PTPN22: variants seen among roughly 807,000 people sequenced by gnomAD.
PTPN22 encodes protein tyrosine phosphatase non-receptor type 22.
Under a neutral mutation model 103.3 loss-of-function variants are expected in PTPN22, and 85 were observed. The ratio of observed to expected loss-of-function variants is 0.82; its 90% CI spans 0.69 to 0.99. The LOEUF (loss-of-function observed/expected upper bound fraction) is 0.99. Among genes scored for constraint, PTPN22 ranks in the 50% least tolerant of loss-of-function variants. The probability of loss-of-function intolerance (pLI) is 0.00; values close to 1 mark genes in which losing one functional copy is unlikely to be tolerated. For synonymous variants in PTPN22, 323 were observed against 310.2 expected (o/e 1.04, Z -0.43); for missense variants, 865 against 936.9 (o/e 0.92, Z 1.00).
chr1:113,854,733 C>T (rs1461339495), intron 8 of PTPN22, among the ~76,000 whole-genome samples, 174 bp downstream of exon 8: 1 of 152,222 alleles, frequency 6.6e-6, no homozygotes, highest in African/African-American at 2.4e-5. Context: ...GCAAGAGTCT[C>T]TAGAACTGTA....
intron 1 of PTPN22, among the ~76,000 whole-genome samples, chr1:113,861,332 C>A (rs543024853): frequency 6.6e-6 from 1 of 152,232 alleles, no homozygotes; most frequent in Non-Finnish European, 1.5e-5. Flanking sequence ...CCTCTGCCAC[C>A]CAGGTTCAAG....
chr1:113,859,856 T>C (rs1665409690), intron 1 of PTPN22, among the ~76,000 whole-genome samples: 1 of 152,228 alleles, frequency 6.6e-6, no homozygotes, highest in African/African-American at 2.4e-5. Flanking sequence ...TTAGTCTTTT[T>C]ACTTCAGATC....
chr1:113,843,150 C>A (rs1180126431), intron 11 of PTPN22, among the ~76,000 whole-genome samples: 3 of 148,322 alleles, frequency 2.0e-5, no homozygotes, highest in African/African-American at 7.5e-5. Flanking sequence ...TGTAATTCCA[C>A]TTCTGGGTTA....
At position 113,859,820 on chromosome 1, in the gene PTPN22, G is replaced by A. The variant is rs760835799; in HGVS notation, c.88-360C>T. Among the ~76,000 whole-genome samples the A allele has an allele frequency of 1.2e-4, 19 of 152,252 alleles. No individual in the cohort carries two copies. In the East Asian group the frequency reaches 3.5e-3, roughly 28 times the overall value. ...TTTATAACTGCTTTTTAGTTAAATGGTCAACTGGAAAATAATTAAGTTCTA... is the reference window on the plus strand; with the variant it reads ...TTTATAACTGCTTTTTAGTTAAATGATCAACTGGAAAATAATTAAGTTCTA... On this transcript the variant is annotated intron_variant, in intron 1 of 20. Transcript: ENST00000359785.
chr1:113,837,896 G>T (rs773238438), exon 13 of PTPN22: 1 of 1,614,068 alleles, frequency 6.2e-7, no homozygotes, highest in South Asian at 1.1e-5. Context: ...GAGTCATATG[G>T]CAGTGAATAA....
chr1:113,847,012 TGGTCCC>T (rs1558040140), intron 11 of PTPN22, among the ~76,000 whole-genome samples: 35 of 102,516 alleles, frequency 3.4e-4, no homozygotes, highest in Middle Eastern at 5.7e-3. Flanking sequence ...TTTTTTTTTT[TGGTCCC>T]TTAGTTCCCT....
At chr1:113,814,636 C>A in exon 21 of PTPN22, 2 of 292,518 alleles carry the variant, frequency 6.8e-6, no homozygotes, top group Non-Finnish European at 1.2e-5. Context: ...AAAAATAAAT[C>A]CATTCTAAAA....
At chr1:113,837,060 T>C (rs2101963932) in intron 13 of PTPN22, among the ~76,000 whole-genome samples, 1 of 152,302 alleles carries the variant, frequency 6.6e-6, no homozygotes, top group Admixed American at 6.5e-5. Flanking sequence ...TGTTGCCTGT[T>C]TCATGGAATA....
At chr1:113,861,694 T>C (rs1214165608) in intron 1 of PTPN22, among the ~76,000 whole-genome samples, 1 of 152,076 alleles carries the variant, frequency 6.6e-6, no homozygotes, top group African/African-American at 2.4e-5. Flanking sequence ...CATTTTTCTC[T>C]TCCACCTCTC....
chr1:113,862,999 G>C lies in PTPN22; in HGVS notation c.88-3539C>G, dbSNP rs368650483. Reference sequence around the variant, plus strand: ...CAATAGTGGGGCAAATGGGTAGGTGGGTAGGCAATAGCTAAATTGGGGTGA... The same window carrying C: ...CAATAGTGGGGCAAATGGGTAGGTGCGTAGGCAATAGCTAAATTGGGGTGA... On this transcript the variant is annotated intron_variant, in intron 1 of 20. Transcript: ENST00000359785. Among the ~76,000 whole-genome samples, 14 of 152,244 alleles carry C rather than the reference G, an allele frequency of 9.2e-5. No homozygotes were observed. In the South Asian group the frequency reaches 2.9e-3, roughly 32 times the overall value.
chr1:113,854,375 G>C, intron 9 of PTPN22, 96 bp downstream of exon 9: 1 of 1,142,112 alleles, frequency 8.8e-7, no homozygotes, highest in South Asian at 1.3e-5. Context: ...TAGAAAAGAT[G>C]AATCATGAAG....
intron 7 of PTPN22, 123 bp from the exon 8 acceptor site, chr1:113,855,172 AT>A: frequency 1.2e-6 from 1 of 804,204 alleles, no homozygotes; most frequent in Non-Finnish European, 2.0e-6. Context: ...AAACCTGCAC[AT>A]TTACGCCCTT....
intron 9 of PTPN22, 137 bp downstream of exon 9, chr1:113,854,334 T>C: frequency 1.2e-6 from 1 of 800,816 alleles, no homozygotes; most frequent in South Asian, 1.8e-5. Context: ...AATTTAATCG[T>C]CTGACAGAGT....
At position 113,830,012 on chromosome 1, in the gene PTPN22, A is replaced by G. The variant is rs750154756; in HGVS notation, c.2071T>C (p.Ser691Pro). ...TCTGGGAGAGGAGGTGGGGGAGAAG[A>G]ACGATCTTGATGTAGTTCTGTGATA... The change falls in exon 17 of 21, where the codon TCT becomes CCT. Residue 691 changes from serine to proline, a missense_variant. Physicochemically the swap from Ser to Pro is moderately conservative, Grantham distance 74. This residue lies in a region of PTPN22 where 401 missense variants were observed against 388.6 expected (regional missense o/e 1.03). Coordinates refer to ENST00000359785, the Ensembl canonical transcript of PTPN22. 6 of 1,603,340 alleles carry G rather than the reference A, an allele frequency of 3.7e-6. No homozygotes were observed. The highest frequency in any genetic ancestry group is 5.1e-6 in the Non-Finnish European group (6 of 1,170,714).
intron 20 of PTPN22, among the ~76,000 whole-genome samples, chr1:113,816,889 A>T (rs1295491247): frequency 6.6e-6 from 1 of 152,210 alleles, no homozygotes; most frequent in Non-Finnish European, 1.5e-5. Flanking sequence ...AGCCTGGGTG[A>T]CAGAGCAAGA....
chr1:113,861,866 T>G (rs1665639207), intron 1 of PTPN22, among the ~76,000 whole-genome samples: 1 of 152,098 alleles, frequency 6.6e-6, no homozygotes, highest in Non-Finnish European at 1.5e-5. Context: ...GGTTTAAGTT[T>G]GTGAAGAAAA....
intron 11 of PTPN22, among the ~76,000 whole-genome samples, chr1:113,843,108 A>AAAAAAAAAAAT (rs1351001407): frequency 1.4e-5 from 2 of 146,088 alleles, no homozygotes; most frequent in African/African-American, 5.1e-5. Context: ...TCAAAAAAAA[A>AAAAAAAAAAAT]AAAAAAGAAA....
At chr1:113,841,232 A>G (rs1051447865) in intron 11 of PTPN22, among the ~76,000 whole-genome samples, 4 of 152,122 alleles carry the variant, frequency 2.6e-5, no homozygotes, top group Admixed American at 6.5e-5. Context: ...CTCAAAGGAA[A>G]AAAAAAAAGA....
At chr1:113,871,086 T>C (rs1016621897) in intron 1 of PTPN22, among the ~76,000 whole-genome samples, 1 of 152,144 alleles carries the variant, frequency 6.6e-6, no homozygotes, top group African/African-American at 2.4e-5. Flanking sequence ...GTAGTTTTGG[T>C]GCTCTTCAAA....
Sources: gnomAD v4.1 joint callset for allele counts (sites outside exome capture counted in the v4.1 genomes callset) on GRCh38, gnomAD v4.1.1 for gene constraint, gnomAD v4.1.1 regional missense constraint, MANE v1.5 for transcripts, NCBI Gene and HGNC (gene_info 2026-07-23, HGNC 2026-07-21) for gene names.